The following RECQL variants were observed in gnomAD, a reference collection of about 807,000 sequenced individuals.
RECQL encodes the protein RecQ like helicase.
In RECQL, 73 loss-of-function variants were observed where a neutral mutation model predicts 75.8. The observed-to-expected ratio is 0.96, with a 90% CI of 0.80 to 1.17. The LOEUF is 1.17. Ranked by LOEUF, RECQL falls within the 50% of genes most tolerant of loss-of-function variation. The probability of loss-of-function intolerance (pLI) is 0.00; values close to 1 mark genes in which losing one functional copy is unlikely to be tolerated. For missense variants in RECQL, 699 were observed against 772.1 expected (o/e 0.91, Z 1.12); for synonymous variants, 248 against 254.4 (o/e 0.97, Z 0.24).
intron 7 of RECQL, among the ~76,000 whole-genome samples, chr12:21,477,317 A>T (rs1943105717): frequency 6.6e-6 from 1 of 152,188 alleles, no homozygotes; most frequent in Admixed American, 6.5e-5. Context: ...AACTCAGAAA[A>T]ATATTAAATC....
chr12:21,484,107 T>C (rs1353529534), intron 5 of RECQL, among the ~76,000 whole-genome samples: 2 of 152,134 alleles, frequency 1.3e-5, no homozygotes, highest in African/African-American at 2.4e-5. Flanking sequence ...AAGATAATAA[T>C]AATAAATCTT....
intron 2 of RECQL, among the ~76,000 whole-genome samples, chr12:21,496,837 G>A (rs953191348): frequency 6.6e-6 from 1 of 152,140 alleles, no homozygotes; most frequent in Non-Finnish European, 1.5e-5. Context: ...AAAACTTGCC[G>A]GTTTTGAGTA....
At chr12:21,478,849 G>T (rs2137355247) in intron 6 of RECQL, among the ~76,000 whole-genome samples, 1 of 152,302 alleles carries the variant, frequency 6.6e-6, no homozygotes, top group South Asian at 2.1e-4. Context: ...ATGGACAGAT[G>T]CAGAAGTGCT....
intron 12 of RECQL, 84 bp downstream of exon 12, chr12:21,473,467 G>T: frequency 1.0e-6 from 1 of 997,574 alleles, no homozygotes; most frequent in Non-Finnish European, 1.6e-6. Context: ...AAATCACCTA[G>T]TGATGCATTT....
intron 8 of RECQL, among the ~76,000 whole-genome samples, chr12:21,476,456 CATGT>C (rs1565565318): frequency 6.6e-6 from 1 of 151,990 alleles, no homozygotes; most frequent in African/African-American, 2.4e-5. Context: ...CCCAGAAAAC[CATGT>C]ATATATACTC....
chr12:21,500,365 C>T (rs1214849643), intron 1 of RECQL, among the ~76,000 whole-genome samples: 1 of 152,020 alleles, frequency 6.6e-6, no homozygotes, highest in Non-Finnish European at 1.5e-5. Flanking sequence ...CTTTAAATTC[C>T]CCATAATCCT....
At chr12:21,494,873 T>C (rs1396418929) in intron 2 of RECQL, among the ~76,000 whole-genome samples, 3 of 152,206 alleles carry the variant, frequency 2.0e-5, no homozygotes, top group African/African-American at 7.2e-5. Flanking sequence ...GACCACCTGA[T>C]TCAACGACAA....
chr12:21,493,298 C>T (rs1043574399), intron 2 of RECQL, among the ~76,000 whole-genome samples: 19 of 152,112 alleles, frequency 1.2e-4, no homozygotes, highest in African/African-American at 4.6e-4. Context: ...TCCATAGACA[C>T]CAGTAGAAAA....
At position 21,471,046 on chromosome 12, in the gene RECQL, G is replaced by A; in HGVS notation, c.1720C>T (p.Pro574Ser). Reference protein sequence around the residue: ...YATISYLKIGPKANLLNNEAH... With the variant: ...YATISYLKIGSKANLLNNEAH... Reference sequence around the variant, plus strand: ...TCATTGTTCAGAAGATTAGCTTTAGGTCCTATTTTCAAATACGAAATGGTA... The same window carrying A: ...TCATTGTTCAGAAGATTAGCTTTAGATCCTATTTTCAAATACGAAATGGTA... Residue 574 changes from proline (P) to serine (S), a missense_variant, in exon 14 of 15, where the codon CCT (proline) becomes TCT (serine). Transcript: ENST00000444129. 1 of 1,601,804 alleles carries A rather than the reference G, an allele frequency of 6.2e-7. No homozygotes were observed. The highest frequency in any genetic ancestry group is 8.5e-7 in the Non-Finnish European group (1 of 1,175,066).
chr12:21,470,701 G>T (rs1942928142), intron 14 of RECQL: 4 of 318,150 alleles, frequency 1.3e-5, no homozygotes, highest in African/African-American at 8.6e-5. Flanking sequence ...AATAAGAGCA[G>T]AGTGCATAAC....
rs71581964 is a variant in RECQL, at chr12:21,491,732, C to T, written c.17-16G>A. The T allele has an allele frequency of 1.2e-5, 19 of 1,596,560 alleles. No homozygotes were observed. The South Asian group carries it at 1.4e-4, about 12-fold the overall frequency. Reference sequence around the variant, plus strand: ...TCAGTTAGAGCTATGGGAGGCAGCGCGGATACAATGATTAGACAGAGTAAA... The same window carrying T: ...TCAGTTAGAGCTATGGGAGGCAGCGTGGATACAATGATTAGACAGAGTAAA... On this transcript the variant is annotated splice_polypyrimidine_tract_variant and intron_variant, in intron 2 of 14. Transcript: ENST00000444129.
Position 21,491,563 on chromosome 12 carries a change from GC to G in RECQL, c.169del (p.Ala57GlnfsTer46), listed in dbSNP as rs1040950644. On this transcript the variant is annotated frameshift_variant, in exon 3 of 15. Coordinates refer to ENST00000444129, the MANE Select transcript of RECQL (RefSeq NM_002907.4). LOFTEE classifies it high-confidence loss of function. ...KQCLEDSDAG[A>X]SNEYDSSPAA... Reference sequence around the variant, plus strand: ...AGGTGAAGAATCATATTCATTGCTTGCCCCGGCATCAGAATCCTCTAAACAC... The same window carrying G: ...AGGTGAAGAATCATATTCATTGCTTGCCCGGCATCAGAATCCTCTAAACAC... 2.5e-6 allele frequency: 4 copies of G among 1,608,014 alleles called. No homozygotes were observed. Among genetic ancestry groups the G allele is most frequent in the Non-Finnish European group, 3.4e-6 (4 of 1,178,560 alleles).
intron 2 of RECQL, among the ~76,000 whole-genome samples, chr12:21,498,853 C>T (rs541988421): frequency 3.3e-5 from 5 of 152,286 alleles, no homozygotes; most frequent in African/African-American, 9.6e-5. Flanking sequence ...AAAGTACAAA[C>T]TATGATCACA....
At chr12:21,490,402 A>G (rs1426771726) in intron 3 of RECQL, 24 bp from the exon 4 acceptor site, 1 of 1,496,136 alleles carries the variant, frequency 6.7e-7, no homozygotes, top group Admixed American at 1.7e-5. Flanking sequence ...GTTAAGAATC[A>G]GACAAACATG....
chr12:21,470,413 A>AGAT, intron 14 of RECQL, 67 bp from the exon 15 acceptor site: 1 of 1,446,124 alleles, frequency 6.9e-7, no homozygotes, highest in Non-Finnish European at 9.1e-7. Flanking sequence ...TTTTCTCATG[A>AGAT]GATTAAATAT....
chr12:21,471,479 C>G lies in RECQL; in HGVS notation c.1616G>C (p.Arg539Pro), dbSNP rs367657766. Residue 539 changes from arginine (R) to proline (P), a missense_variant, in exon 13 of 15, where the codon CGT becomes CCT. This residue lies in a region of RECQL where 669 missense variants were observed against 713.5 expected (regional missense o/e 0.94). Coordinates refer to ENST00000444129, the MANE Select transcript of RECQL (RefSeq NM_002907.4). ...TGCAATAATCTTCTCCAGATCTTCA[C>G]GAGGAAGTGTGGGAGCCACAACACC... Reference protein sequence around the residue: ...VAGVVAPTLPREDLEKIIAHF... With the variant: ...VAGVVAPTLPPEDLEKIIAHF... 16 of 1,613,020 alleles carry G rather than the reference C, an allele frequency of 9.9e-6. No homozygotes were observed. The highest frequency in any genetic ancestry group is 1.7e-5 in the Admixed American group (1 of 59,874).
chr12:21,492,159 T>C (rs1943427339), intron 2 of RECQL, among the ~76,000 whole-genome samples: 1 of 152,238 alleles, frequency 6.6e-6, no homozygotes, highest in South Asian at 2.1e-4. Flanking sequence ...GCTAATTCCC[T>C]AATTACTTTG....
At chr12:21,477,722 T>G (rs1184978558) in intron 7 of RECQL, 81 bp downstream of exon 7, 1 of 1,208,228 alleles carries the variant, frequency 8.3e-7, no homozygotes, top group African/African-American at 1.5e-5. Flanking sequence ...TAACTGCTCA[T>G]GTAAATAAAC....
chr12:21,490,576 G>T (rs1943391840), intron 3 of RECQL, among the ~76,000 whole-genome samples, 198 bp from the exon 4 acceptor site: 1 of 152,166 alleles, frequency 6.6e-6, no homozygotes, highest in Non-Finnish European at 1.5e-5. Context: ...TAGGCATGGT[G>T]GCTCATGCCT....
Sources: allele counts gnomAD v4.1 joint callset (sites outside exome capture counted in the v4.1 genomes callset), GRCh38; gene constraint gnomAD v4.1.1; regional missense constraint gnomAD v4.1.1; transcripts MANE v1.5; gene names NCBI Gene and HGNC (gene_info 2026-07-23, HGNC 2026-07-21).